The following ZER1 variants were observed in gnomAD, a reference collection of about 807,000 sequenced individuals.
ZER1 encodes the protein protein zer-1 homolog.
In ZER1, 11 loss-of-function variants were observed where a neutral mutation model predicts 78.8. The observed-to-expected ratio is 0.14, with a 90% confidence interval of 0.09 to 0.23. The LOEUF (loss-of-function observed/expected upper bound fraction) is 0.23. Ranked by LOEUF, ZER1 falls within the 10% of genes least tolerant of loss-of-function variation. The pLI, the probability that ZER1 is intolerant of heterozygous loss-of-function variation, is 1.00. For missense variants in ZER1, 588 were observed against 996.9 expected, an observed-to-expected ratio of 0.59 and a Z score of 5.52; for synonymous variants, 400 against 407.0, an observed-to-expected ratio of 0.98 and a Z score of 0.21.
intron 8 of ZER1, among the ~76,000 whole-genome samples, chr9:128,743,407 C>T (rs1175624055): frequency 3.9e-5 from 6 of 152,048 alleles, no homozygotes; most frequent in South Asian, 2.1e-4. Flanking sequence ...TGAGCCACTG[C>T]GCCCAGCCTT....
chr9:128,762,054 T>G (rs1864068101), intron 1 of ZER1, among the ~76,000 whole-genome samples: 1 of 152,154 alleles, frequency 6.6e-6, no homozygotes, highest in Non-Finnish European at 1.5e-5. Context: ...AGGACAGCTT[T>G]GAATGCAGCC....
intron 13 of ZER1, among the ~76,000 whole-genome samples, chr9:128,735,757 CCTGGTTTTTTTTTTTT>C (rs1326533167): frequency 0.011 from 843 of 77,368 alleles, 107 homozygotes; most frequent in Middle Eastern, 0.017. Flanking sequence ...GCACGTGTGA[CCTGGTTTTTTTTTTTT>C]TTTTTTTTTT....
intron 1 of ZER1, among the ~76,000 whole-genome samples, chr9:128,764,662 G>A (rs189590644): frequency 1.0e-3 from 155 of 152,292 alleles, no homozygotes; most frequent in African/African-American, 3.7e-3. Flanking sequence ...GGGCTACCAT[G>A]CCCTGAGACC....
intron 1 of ZER1, among the ~76,000 whole-genome samples, chr9:128,761,204 G>T (rs976142626): frequency 6.6e-6 from 1 of 151,546 alleles, no homozygotes; most frequent in African/African-American, 2.4e-5. Flanking sequence ...CTACTTCACA[G>T]GGCTGTGGTA....
chr9:128,755,576 AGCAGGT>A lies in ZER1; in HGVS notation c.-17_-12del. 1 of 1,608,970 alleles carries A rather than the reference AGCAGGT, an allele frequency of 6.2e-7. No individual in the cohort carries two copies. The highest frequency in any genetic ancestry group is 1.1e-5 in the South Asian group (1 of 90,970). On this transcript the variant is annotated 5_prime_UTR_variant, in exon 2 of 16. Transcript: ENST00000291900. The surrounding 1 kb of genome is among the most constrained non-coding windows in gnomAD (Gnocchi z 5.6). Reference sequence around the variant, plus strand: ...AGTGTCGGACGCCATGCTGGGGGCAAGCAGGTGGGCCACTCCAGGACAAGGATCCCC... The same window carrying A: ...AGTGTCGGACGCCATGCTGGGGGCAAGGGCCACTCCAGGACAAGGATCCCC...
intron 1 of ZER1, among the ~76,000 whole-genome samples, chr9:128,766,136 G>C (rs1234776791): frequency 2.6e-5 from 4 of 151,738 alleles, no homozygotes; most frequent in Non-Finnish European, 5.9e-5. Context: ...GGATCACGAG[G>C]TGAAGAGATT....
At chr9:128,742,469 TAGAGGGGTGGGGG>T (rs1269539151) in intron 9 of ZER1, 48 bp downstream of exon 9, 1 of 1,586,380 alleles carries the variant, frequency 6.3e-7, no homozygotes, top group Non-Finnish European at 8.6e-7. Flanking sequence ...TCGCTCAGGG[TAGAGGGGTGGGGG>T]AGAGCAGTGA....
intron 1 of ZER1, among the ~76,000 whole-genome samples, chr9:128,761,604 T>G (rs1198816065): frequency 3.4e-5 from 4 of 116,562 alleles, no homozygotes; most frequent in African/African-American, 1.3e-4. Flanking sequence ...CCATAATTTG[T>G]TTTTTTTTTT....
intron 1 of ZER1, among the ~76,000 whole-genome samples, chr9:128,756,025 ATGAT>A (rs932662001): frequency 2.0e-5 from 3 of 152,202 alleles, no homozygotes; most frequent in Non-Finnish European, 2.9e-5. Flanking sequence ...GTATACAGCT[ATGAT>A]TGATTGAGCA....
intron 8 of ZER1, among the ~76,000 whole-genome samples, chr9:128,743,893 CTTTTTTTTTTT>C (rs35174986): frequency 2.6e-5 from 1 of 38,506 alleles, no homozygotes; most frequent in African/African-American, 1.1e-4. Flanking sequence ...ATGGCCCCTG[CTTTTTTTTTTT>C]TTTTTTTTTT....
rs1863731236 is a variant in ZER1 at position 128,753,018 on chromosome 9, G to A, written c.746+146C>T. 11 of 1,201,890 alleles carry A rather than the reference G, an allele frequency of 9.2e-6. No homozygotes were observed. The East Asian group carries it at 2.8e-4, about 30-fold the overall frequency. 74.5% of individuals were successfully genotyped at this position (1,201,890 alleles called of 1,614,324 possible). A position where few individuals can be genotyped will look rare whatever the true frequency, so the allele number is the denominator to read the frequency against. On this transcript the variant is annotated intron_variant, in intron 4 of 15. Coordinates refer to ENST00000291900, the MANE Select transcript of ZER1 (RefSeq NM_006336.4). The surrounding 1 kb of genome is among the most constrained non-coding windows in gnomAD (Gnocchi z 7.5). ...CAGCCCCAATCCAGCTGAAACACTG[G>A]GTTTAAGGAATGGGACTGTGTCTTC...
chr9:128,758,961 C>T (rs907047323), intron 1 of ZER1, among the ~76,000 whole-genome samples: 46 of 151,830 alleles, frequency 3.0e-4, no homozygotes, highest in Non-Finnish European at 5.6e-4. Context: ...GAATCTTCAC[C>T]GACCTGTGTA....
At chr9:128,736,224 A>T (rs1466083534) in intron 13 of ZER1, among the ~76,000 whole-genome samples, 4 of 152,096 alleles carry the variant, frequency 2.6e-5, no homozygotes, top group Non-Finnish European at 4.4e-5. Context: ...TGCTGGGATT[A>T]TAGGCGTGAG....
Position 128,751,373 on chromosome 9 carries a change from A to C in ZER1, c.1038+40T>G, listed in dbSNP as rs755735605. 14 of 1,613,374 alleles carry C rather than the reference A, an allele frequency of 8.7e-6. No individual in the cohort carries two copies. The highest frequency in any genetic ancestry group is 1.7e-4 in the Middle Eastern group (1 of 6,056). ...AGAATCCAGCTCCTTCTCTCTCCCA[A>C]GGCTCCCTGGCCCAGACCCATCCCA... On this transcript the variant is annotated intron_variant, in intron 6 of 15. Transcript: ENST00000291900. The surrounding 1 kb of genome is among the most constrained non-coding windows in gnomAD (Gnocchi z 5.4).
In ZER1 at chr9:128,755,334, C is replaced by T. The variant is rs1863821392; in HGVS notation, c.158+74G>A. On this transcript the variant is annotated intron_variant, in intron 2 of 15. Transcript: ENST00000291900. The surrounding 1 kb of genome is among the most constrained non-coding windows in gnomAD (Gnocchi z 5.6). ...CTCCATAGCTACTCCCCACATAGTG[C>T]ACACACGGTCCCAATCTCTCTATAC... 1.3e-6 allele frequency: 2 copies of T among 1,580,222 alleles called. No individual in the cohort carries two copies. Among genetic ancestry groups the T allele is most frequent in the Admixed American group, 3.4e-5 (2 of 59,242 alleles).
chr9:128,760,857 A>C (rs1864018863), intron 1 of ZER1, among the ~76,000 whole-genome samples: 1 of 151,144 alleles, frequency 6.6e-6, no homozygotes, highest in South Asian at 2.1e-4. Context: ...CAGTTTCCTC[A>C]TCTGAAAAAT....
chr9:128,733,599 C>A, intron 14 of ZER1, 71 bp from the exon 15 acceptor site: 2 of 1,393,594 alleles, frequency 1.4e-6, no homozygotes, highest in South Asian at 2.4e-5. Context: ...AGAAACCCAC[C>A]CTGTCTGTGA....
At chr9:128,758,795 A>T (rs1863945726) in intron 1 of ZER1, among the ~76,000 whole-genome samples, 1 of 151,952 alleles carries the variant, frequency 6.6e-6, no homozygotes, top group African/African-American at 2.4e-5. Context: ...ACACTGTGTC[A>T]CTCCACTAAG....
At chr9:128,767,246 T>G (rs562453966) in intron 1 of ZER1, among the ~76,000 whole-genome samples, 2 of 149,204 alleles carry the variant, frequency 1.3e-5, no homozygotes, top group East Asian at 4.0e-4. Context: ...GTCGGCCTAT[T>G]TATTTATTTT....
Sources: allele counts gnomAD v4.1 joint callset (sites outside exome capture counted in the v4.1 genomes callset), GRCh38; gene constraint gnomAD v4.1.1; non-coding constraint Gnocchi (gnomAD v3.1); transcripts MANE v1.5; gene names NCBI Gene and HGNC (gene_info 2026-07-23, HGNC 2026-07-21).